The following GET1 variants were observed in gnomAD, a reference collection of about 807,000 sequenced individuals.
The protein encoded by GET1 is congenital heart disease 5 protein.
GET1 carries 20 observed loss-of-function variants against 22.6 expected under a neutral mutation model. The ratio of observed to expected loss-of-function variants is 0.89; its 90% confidence interval spans 0.62 to 1.29. GET1 has a LOEUF of 1.29. Among genes scored for constraint, GET1 ranks in the 50% most tolerant of loss-of-function variants. The pLI is 0.00. For missense variants in GET1, 209 were observed against 219.9 expected (o/e 0.95, Z 0.31); for synonymous variants, 92 against 83.8 (o/e 1.10, Z -0.53).
At chr21:39,382,974 G>A (rs533931425) in intron 1 of GET1, among the ~76,000 whole-genome samples, 4 of 151,620 alleles carry the variant, frequency 2.6e-5, no homozygotes, top group Non-Finnish European at 4.4e-5. Flanking sequence ...TTTTTGAGAT[G>A]GAGTCTTGCT....
intron 1 of GET1, chr21:39,380,745 G>T: frequency 8.3e-7 from 1 of 1,199,832 alleles, no homozygotes; most frequent in Non-Finnish European, 1.0e-6. Context: ...TGGCGGCGGC[G>T]AACCTCACAC....
intron 4 of GET1, 79 bp downstream of exon 4, chr21:39,393,359 C>T: frequency 8.9e-7 from 1 of 1,122,722 alleles, no homozygotes. Flanking sequence ...TTAAGTTAGC[C>T]TGACATCCTC....
intron 1 of GET1, among the ~76,000 whole-genome samples, chr21:39,384,008 T>C (rs1197393185): frequency 1.3e-5 from 2 of 151,250 alleles, no homozygotes; most frequent in Non-Finnish European, 2.9e-5. Flanking sequence ...CCCAAAGTAC[T>C]GGGATTACAG....
intron 2 of GET1, 200 bp downstream of exon 2, chr21:39,391,063 A>G (rs1353500216): frequency 6.3e-6 from 3 of 473,750 alleles, no homozygotes; most frequent in Non-Finnish European, 1.1e-5. Context: ...AAGCACAGAA[A>G]TATCTAAGAT....
rs1402493849 is a variant in GET1, at chr21:39,419,381, T to C, written c.*23+8444T>C. 5.9e-5 allele frequency among the ~76,000 whole-genome samples: 9 copies of C among 151,970 alleles called. No homozygotes were observed. In the East Asian group the frequency reaches 1.7e-3, roughly 29 times the overall value. ...CTCTACAAAAATTTTAAAAATTAGCTGGGTATGGTGGCATGTACCTGTGAT... is the reference window on the plus strand; with the variant it reads ...CTCTACAAAAATTTTAAAAATTAGCCGGGTATGGTGGCATGTACCTGTGAT... On this transcript the variant is annotated intron_variant, in intron 1 of 1. Coordinates refer to the GET1 transcript ENST00000478273.
intron 1 of GET1, chr21:39,387,811 C>G (rs1231014602): frequency 2.0e-6 from 2 of 985,340 alleles, no homozygotes; most frequent in Non-Finnish European, 2.4e-6. Context: ...CTTCCAAGCT[C>G]TAAATGGAGA....
chr21:39,399,085 G>T (rs1221066409), downstream of GET1, among the ~76,000 whole-genome samples: 1 of 151,198 alleles, frequency 6.6e-6, no homozygotes, highest in Non-Finnish European at 1.5e-5. Flanking sequence ...GAATTCAGAA[G>T]ATAGAGAAAG....
intron 1 of GET1, chr21:39,386,111 C>T (rs2037881487): frequency 6.6e-6 from 1 of 152,246 alleles, no homozygotes; most frequent in Non-Finnish European, 1.5e-5. Context: ...GGGCCGAGTG[C>T]CCTTTGAGAT....
At chr21:39,410,321 G>C (rs768556100), downstream of GET1, 1 of 1,611,060 alleles carries the variant, frequency 6.2e-7, no homozygotes, top group Admixed American at 1.7e-5. Flanking sequence ...TCATACTTGT[G>C]AATGGCAAAA....
At chr21:39,390,964 C>A in intron 2 of GET1, 101 bp downstream of exon 2, 1 of 1,342,536 alleles carries the variant, frequency 7.4e-7, no homozygotes, top group South Asian at 1.5e-5. Flanking sequence ...CTTGGATGTT[C>A]TGAATATTGA....
chr21:39,391,150 A>G lies in GET1; in HGVS notation c.268+287A>G, dbSNP rs536597888. ...AAAAATTGTAGGTTTTCATTTTTAAATTCATCACTTTTCTGAGAGAAGCCC... is the reference window on the plus strand; with the variant it reads ...AAAAATTGTAGGTTTTCATTTTTAAGTTCATCACTTTTCTGAGAGAAGCCC... On this transcript the variant is annotated intron_variant, in intron 2 of 4. Coordinates refer to ENST00000649170, the MANE Select transcript of GET1 (RefSeq NM_004627.6). 505 of 248,950 alleles carry G rather than the reference A, an allele frequency of 2.0e-3. 3 individuals are homozygous for G. The highest frequency in any genetic ancestry group is 3.1e-3 in the Non-Finnish European group (398 of 127,638). The allele number at this position is 248,950 out of a possible 1,614,324, so 15.4% of individuals were successfully genotyped here. A position where few individuals can be genotyped will look rare whatever the true frequency, so the allele number is the denominator to read the frequency against.
chr21:39,387,963 C>A, intron 1 of GET1: 2 of 635,410 alleles, frequency 3.1e-6, no homozygotes, highest in Non-Finnish European at 3.9e-6. Flanking sequence ...AATTTCGAAA[C>A]AAACACAAAT....
chr21:39,403,290 C>T (rs2038883776), intron 4 of GET1, among the ~76,000 whole-genome samples: 1 of 152,114 alleles, frequency 6.6e-6, no homozygotes, highest in Non-Finnish European at 1.5e-5. Flanking sequence ...AAAGCATATG[C>T]CAATTGTAGT....
chr21:39,398,563 A>G (rs1005027145), downstream of GET1, among the ~76,000 whole-genome samples: 1 of 152,146 alleles, frequency 6.6e-6, no homozygotes, highest in Admixed American at 6.6e-5. Flanking sequence ...GGGGAAATGT[A>G]AATGTCCTTT....
rs576361876 is a variant in GET1, at chr21:39,390,011, A to G, written c.103-687A>G. Among the ~76,000 whole-genome samples the G allele has an allele frequency of 9.4e-4, 143 of 152,306 alleles. 1 individual carries two copies. Among genetic ancestry groups the G allele is most frequent in the African/African-American group, 3.2e-3 (133 of 41,552 alleles). The stretch of plus-strand genomic sequence containing the variant: ...TTCATGGGCATATCTGTAAAAGGAA[A>G]AATATAGTTTGAATAGCAATTTGAA... On this transcript the variant is annotated intron_variant, in intron 1 of 4. Transcript: ENST00000649170.
chr21:39,400,568 A>C (rs1272939312), downstream of GET1, among the ~76,000 whole-genome samples: 1 of 152,096 alleles, frequency 6.6e-6, no homozygotes, highest in African/African-American at 2.4e-5. Context: ...CGTCAGGAGA[A>C]TTTTCTAAGT....
At chr21:39,398,816 G>C (rs2038766460), downstream of GET1, among the ~76,000 whole-genome samples, 1 of 151,574 alleles carries the variant, frequency 6.6e-6, no homozygotes, top group Non-Finnish European at 1.5e-5. Context: ...ATTTGGCCAG[G>C]TTGGTCTTGA....
chr21:39,403,512 G>C (rs1055343363), intron 4 of GET1, among the ~76,000 whole-genome samples: 2 of 147,206 alleles, frequency 1.4e-5, no homozygotes, highest in Admixed American at 6.6e-5. Flanking sequence ...ATTTTTAGTA[G>C]AGACGGGGTT....
At chr21:39,422,173 CTGA>C (rs67510334) in intron 1 of GET1, 19 of 152,106 alleles carry the variant, frequency 1.2e-4, no homozygotes, top group Non-Finnish European at 2.5e-4. Flanking sequence ...GGAAACGAAC[CTGA>C]TATTTACTTA....
Sources: allele counts gnomAD v4.1 joint callset (sites outside exome capture counted in the v4.1 genomes callset), GRCh38; gene constraint gnomAD v4.1.1; transcripts MANE v1.5; gene names NCBI Gene and HGNC (gene_info 2026-07-23, HGNC 2026-07-21).